AUTS2: variants seen among roughly 807,000 people sequenced by gnomAD.
The protein encoded by AUTS2 is autism susceptibility gene 2 protein.
Under a neutral mutation model 112.4 loss-of-function variants are expected in AUTS2, and 17 were observed. The ratio of observed to expected loss-of-function variants is 0.15; its 90% CI spans 0.10 to 0.23. AUTS2 has a LOEUF of 0.23. AUTS2 is among the 10% of genes least tolerant of loss of function. The pLI, the probability that AUTS2 is intolerant of heterozygous loss-of-function variation, is 1.00. For missense variants in AUTS2, 1,510 were observed against 1,701.6 expected (o/e 0.89, Z 1.98); for synonymous variants, 751 against 702.7 (o/e 1.07, Z -1.09).
rs367750514 is a variant in AUTS2, at chr7:70,558,874, T to C, written c.690+123093T>C. Among the ~76,000 whole-genome samples, 168 of 152,382 alleles carry C rather than the reference T, an allele frequency of 1.1e-3. 4 individuals carry two copies. The highest frequency in any genetic ancestry group is 0.01 in the South Asian group (50 of 4,824). ...CAGGGACAAGGGTCTTTTGCTTTCC[T>C]TGCAAAATGTAGAGACATTATTCCT... On this transcript the variant is annotated intron_variant, in intron 5 of 18. Coordinates refer to ENST00000342771, the MANE Select transcript of AUTS2 (RefSeq NM_015570.4).
intron 4 of AUTS2, among the ~76,000 whole-genome samples, chr7:70,188,931 G>T (rs1348751010): frequency 6.6e-6 from 1 of 151,796 alleles, no homozygotes; most frequent in Non-Finnish European, 1.5e-5. Flanking sequence ...TGGAAGTCTA[G>T]ATATATATTT....
At chr7:70,461,532 C>T (rs942542186) in intron 5 of AUTS2, among the ~76,000 whole-genome samples, 4 of 152,192 alleles carry the variant, frequency 2.6e-5, no homozygotes, top group African/African-American at 9.6e-5. Context: ...TTTGAAGCTG[C>T]ATTCTCTCTG....
At chr7:70,462,873 G>A (rs1797022489) in intron 5 of AUTS2, among the ~76,000 whole-genome samples, 1 of 152,020 alleles carries the variant, frequency 6.6e-6, no homozygotes, top group Non-Finnish European at 1.5e-5. Context: ...AGGGAGAATT[G>A]CTTGAACCCG....
intron 15 of AUTS2, 164 bp from the exon 16 acceptor site, chr7:70,784,775 ACAC>A: frequency 1.3e-4 from 27 of 207,128 alleles, no homozygotes; most frequent in South Asian, 6.8e-4. Flanking sequence ...AAAAAAAAAC[ACAC>A]ATTTTCTTTT....
At chr7:70,069,841 T>C (rs1199002950) in intron 2 of AUTS2, among the ~76,000 whole-genome samples, 1 of 152,034 alleles carries the variant, frequency 6.6e-6, no homozygotes, top group Non-Finnish European at 1.5e-5. Context: ...TCAAGCATCA[T>C]TGGGGAACAT....
At chr7:70,320,990 A>G (rs188588432) in intron 4 of AUTS2, among the ~76,000 whole-genome samples, 1 of 152,320 alleles carries the variant, frequency 6.6e-6, no homozygotes, top group Admixed American at 6.5e-5. Flanking sequence ...ACACCTTACA[A>G]TAGCTGCTTT....
At chr7:69,726,889 A>G (rs1003210338) in intron 1 of AUTS2, among the ~76,000 whole-genome samples, 1 of 152,108 alleles carries the variant, frequency 6.6e-6, no homozygotes, top group Non-Finnish European at 1.5e-5. Context: ...ATTGATTTAT[A>G]GGGCTCTTTA....
chr7:69,992,790 C>T (rs890025190), intron 2 of AUTS2, among the ~76,000 whole-genome samples: 8 of 152,096 alleles, frequency 5.3e-5, no homozygotes, highest in Admixed American at 3.9e-4. Context: ...GAGGCTGTGG[C>T]GAGAGGATCG....
At chr7:69,994,437 G>A (rs1189373685) in intron 2 of AUTS2, among the ~76,000 whole-genome samples, 3 of 152,196 alleles carry the variant, frequency 2.0e-5, no homozygotes, top group African/African-American at 4.8e-5. Flanking sequence ...TAGTAATTGA[G>A]TGCCAGTGGT....
At chr7:70,518,536 T>C (rs966981068) in intron 5 of AUTS2, among the ~76,000 whole-genome samples, 1 of 151,814 alleles carries the variant, frequency 6.6e-6, no homozygotes, top group Non-Finnish European at 1.5e-5. Flanking sequence ...TACAAAAAAT[T>C]AGCCAGGCGT....
At chr7:69,827,135 G>C (rs1021903553) in intron 1 of AUTS2, among the ~76,000 whole-genome samples, 1 of 152,102 alleles carries the variant, frequency 6.6e-6, no homozygotes, top group African/African-American at 2.4e-5. Flanking sequence ...TGTAGCTTCT[G>C]GGAATTTTGA....
In AUTS2 at chr7:70,715,603, C is replaced by G. The variant is rs144563233; in HGVS notation, c.742+16983C>G. ...GCCTGTAGCAGTGGCATGATCTCAG[C>G]TCACTGCAACCTTCGCCTCCTGGAC... On this transcript the variant is annotated intron_variant, in intron 6 of 18. Coordinates refer to ENST00000342771, the MANE Select transcript of AUTS2 (RefSeq NM_015570.4). 7.4e-4 allele frequency among the ~76,000 whole-genome samples: 112 copies of G among 151,862 alleles called. 1 individual carries two copies. In the Middle Eastern group the frequency reaches 0.014, roughly 18 times the overall value.
Position 70,736,390 on chromosome 7 carries a change from G to A in AUTS2, c.743-26480G>A, listed in dbSNP as rs544040743. 4.6e-5 allele frequency among the ~76,000 whole-genome samples: 7 copies of A among 152,290 alleles called. No homozygotes were observed. In the South Asian group the frequency reaches 1.4e-3, roughly 32 times the overall value. On this transcript the variant is annotated intron_variant, in intron 6 of 18. Transcript: ENST00000342771. ...TTTACTACCAAGTGATATAAAATGTGGATTGAAGAAAAAAGGTGAAATGAC... is the reference window on the plus strand; with the variant it reads ...TTTACTACCAAGTGATATAAAATGTAGATTGAAGAAAAAAGGTGAAATGAC...
chr7:70,692,540 A>G (rs559990830), intron 5 of AUTS2, among the ~76,000 whole-genome samples: 2 of 152,348 alleles, frequency 1.3e-5, no homozygotes, highest in Admixed American at 1.3e-4. Context: ...TGGAAAATCC[A>G]TCTCCAAACC....
chr7:69,964,016 A>C (rs1349811435), intron 2 of AUTS2, among the ~76,000 whole-genome samples: 1 of 152,202 alleles, frequency 6.6e-6, no homozygotes, highest in African/African-American at 2.4e-5. Context: ...TTCTAGACTC[A>C]TGCAAATATT....
intron 1 of AUTS2, among the ~76,000 whole-genome samples, chr7:69,749,437 T>TTG (rs1271751907): frequency 1.3e-5 from 2 of 152,182 alleles, no homozygotes; most frequent in Non-Finnish European, 2.9e-5. Flanking sequence ...TCATCAGATG[T>TTG]TGTAGGCACC....
chr7:70,484,735 G>T (rs1482251498), intron 5 of AUTS2, among the ~76,000 whole-genome samples: 1 of 152,182 alleles, frequency 6.6e-6, no homozygotes, highest in Non-Finnish European at 1.5e-5. Flanking sequence ...TAGGAAAGGT[G>T]TAGGATGACT....
At chr7:70,188,199 C>T (rs554597977) in intron 4 of AUTS2, among the ~76,000 whole-genome samples, 2 of 152,146 alleles carry the variant, frequency 1.3e-5, no homozygotes, top group Non-Finnish European at 2.9e-5. Context: ...TGGGGTGGTA[C>T]CTCCCAAATA....
At chr7:69,709,693 T>C in intron 1 of AUTS2, among the ~76,000 whole-genome samples, 1 of 152,188 alleles carries the variant, frequency 6.6e-6, no homozygotes, top group Non-Finnish European at 1.5e-5. Flanking sequence ...TAAGAGATTT[T>C]CCTTCTCCTG....
Sources: gnomAD v4.1 joint callset for allele counts (sites outside exome capture counted in the v4.1 genomes callset) on GRCh38, gnomAD v4.1.1 for gene constraint, MANE v1.5 for transcripts, NCBI Gene and HGNC (gene_info 2026-07-23, HGNC 2026-07-21) for gene names.